Variants in NACC2 observed in about 807,000 individuals in gnomAD.
NACC2 encodes the protein NACC family member 2.
NACC2 carries 8 observed loss-of-function variants against 25.1 expected under a neutral mutation model. That is an observed-to-expected ratio of 0.32 (90% CI 0.19 to 0.57). NACC2 has a LOEUF of 0.57. NACC2 is among the 20% of genes least tolerant of loss of function. The pLI, the probability that NACC2 is intolerant of heterozygous loss-of-function variation, is 0.89. For synonymous variants in NACC2, 435 were observed against 294.7 expected (o/e 1.48, Z -4.88); for missense variants, 644 against 650.2 (o/e 0.99, Z 0.10).
chr9:136,051,936 GAGGGCAGA>G (rs1840850798), intron 1 of NACC2, among the ~76,000 whole-genome samples: 2 of 151,896 alleles, frequency 1.3e-5, no homozygotes, highest in Admixed American at 1.3e-4. Flanking sequence ...GGAGGAGGAG[GAGGGCAGA>G]GCGCCTGGGC....
In NACC2 at chr9:136,080,472, T is replaced by C. The variant is rs1383231402; in HGVS notation, c.-60+14717A>G. On this transcript the variant is annotated intron_variant, in intron 1 of 5. Coordinates refer to ENST00000277554, the MANE Select transcript of NACC2 (RefSeq NM_144653.5). Reference sequence around the variant, plus strand: ...CTGCAATCCCAGCTACTCGGGAGGCTGAGACAGGAGAATTGCTTCAACCTG... The same window carrying C: ...CTGCAATCCCAGCTACTCGGGAGGCCGAGACAGGAGAATTGCTTCAACCTG... 3.3e-5 allele frequency among the ~76,000 whole-genome samples: 5 copies of C among 152,292 alleles called. No homozygotes were observed. The East Asian group carries it at 5.8e-4, about 18-fold the overall frequency.
chr9:136,051,350 G>A (rs1206736107), intron 1 of NACC2, among the ~76,000 whole-genome samples: 4 of 152,176 alleles, frequency 2.6e-5, no homozygotes, highest in Admixed American at 2.6e-4. Context: ...AGCCCCACTC[G>A]CGGACGCCCC....
intron 2 of NACC2, among the ~76,000 whole-genome samples, chr9:136,026,675 C>T (rs1414924338): frequency 1.3e-5 from 2 of 152,190 alleles, no homozygotes; most frequent in African/African-American, 2.4e-5. Context: ...GTGGTGCTTA[C>T]AACATACACA....
intron 2 of NACC2, among the ~76,000 whole-genome samples, chr9:136,028,654 T>C (rs1358618390): frequency 6.6e-6 from 1 of 152,148 alleles, no homozygotes; most frequent in Non-Finnish European, 1.5e-5. Context: ...CGCTTCCAAG[T>C]TGGAGGGGTG....
Position 136,027,169 on chromosome 9 carries a change from G to A in NACC2, c.887-10740C>T, listed in dbSNP as rs551529346. 1.1e-4 allele frequency among the ~76,000 whole-genome samples: 17 copies of A among 152,332 alleles called. No homozygotes were observed. The South Asian group carries it at 3.3e-3, about 30-fold the overall frequency. On this transcript the variant is annotated intron_variant, in intron 2 of 5. Transcript: ENST00000277554. Reference sequence around the variant, plus strand: ...GAACCCGGGAGGCGGAGGTTGCAGTGAGCCGAGATAGCGCCACTGCCCTCC... The same window carrying A: ...GAACCCGGGAGGCGGAGGTTGCAGTAAGCCGAGATAGCGCCACTGCCCTCC...
At chr9:136,031,876 C>T (rs750895009) in intron 2 of NACC2, among the ~76,000 whole-genome samples, 18 of 152,162 alleles carry the variant, frequency 1.2e-4, no homozygotes, top group Non-Finnish European at 2.5e-4. Flanking sequence ...CTCTGCATTC[C>T]CACCTCCTCT....
intron 1 of NACC2, among the ~76,000 whole-genome samples, chr9:136,087,426 C>T (rs1250050001): frequency 6.6e-6 from 1 of 152,202 alleles, no homozygotes; most frequent in East Asian, 1.9e-4. Flanking sequence ...GACACCCTGC[C>T]CTCCTGGAGC....
intron 1 of NACC2, among the ~76,000 whole-genome samples, chr9:136,059,432 G>A (rs759312287): frequency 5.3e-5 from 8 of 152,224 alleles, no homozygotes; most frequent in Admixed American, 1.3e-4. Context: ...CAGACCTGGC[G>A]CTCCTGAGAA....
At chr9:136,025,936 CAACT>C (rs1433202399) in intron 2 of NACC2, among the ~76,000 whole-genome samples, 1 of 151,954 alleles carries the variant, frequency 6.6e-6, no homozygotes, top group Non-Finnish European at 1.5e-5. Flanking sequence ...AAAAATCCAA[CAACT>C]AACAATATGA....
chr9:136,048,660 T>C (rs1320309293), intron 2 of NACC2, among the ~76,000 whole-genome samples: 5 of 152,228 alleles, frequency 3.3e-5, no homozygotes, highest in African/African-American at 1.2e-4. Context: ...GGGAGCCAGG[T>C]TGGCCAAAGC....
rs187986086 is a variant in NACC2, at chr9:136,067,400, G to C, written c.-59-16820C>G. Among the ~76,000 whole-genome samples, 3 of 152,292 alleles carry C rather than the reference G, an allele frequency of 2.0e-5. No homozygotes were observed. The East Asian group carries it at 5.8e-4, about 29-fold the overall frequency. On this transcript the variant is annotated intron_variant, in intron 1 of 5. Transcript: ENST00000277554. Reference sequence around the variant, plus strand: ...TGAAGATGTTCTAAAATTCACGATGGTAATGGTTGCATAACTCTGAATACA... The same window carrying C: ...TGAAGATGTTCTAAAATTCACGATGCTAATGGTTGCATAACTCTGAATACA...
At chr9:136,089,282 G>A (rs1464897217) in intron 1 of NACC2, among the ~76,000 whole-genome samples, 2 of 152,112 alleles carry the variant, frequency 1.3e-5, no homozygotes. Context: ...GGCCTCAAAG[G>A]AGGACCCACG....
intron 1 of NACC2, among the ~76,000 whole-genome samples, chr9:136,066,670 C>T (rs1006889028): frequency 1.2e-4 from 18 of 152,168 alleles, no homozygotes; most frequent in Admixed American, 1.1e-3. Flanking sequence ...TGCATCCACA[C>T]GCAAACTTGT....
chr9:136,049,130 G>A (rs933878344), intron 2 of NACC2, among the ~76,000 whole-genome samples: 4 of 152,352 alleles, frequency 2.6e-5, no homozygotes, highest in East Asian at 3.9e-4. Flanking sequence ...TGAAAGAAAG[G>A]AACGGAGAGG....
Position 136,013,822 on chromosome 9 carries a change from C to T in NACC2, c.1157+42G>A, listed in dbSNP as rs759190087. 113 of 1,547,338 alleles carry T rather than the reference C, an allele frequency of 7.3e-5. No homozygotes were observed. Among genetic ancestry groups the T allele is most frequent in the Non-Finnish European group, 8.6e-5 (97 of 1,123,924 alleles). On this transcript the variant is annotated intron_variant, in intron 4 of 5. Coordinates refer to ENST00000277554, the MANE Select transcript of NACC2 (RefSeq NM_144653.5). This position sits in a 1 kb window ranked among gnomAD's most constrained non-coding sequence, Gnocchi z 6.6. ...CATAGCTAAAGGAGCCAGAACCCTC[C>T]GCAGCTCCATTGTGCCCTCCAGCAC...
Position 136,013,412 on chromosome 9 carries a change from C to A in NACC2, c.1158-116G>T. 1 of 867,970 alleles carries A rather than the reference C, an allele frequency of 1.2e-6. No homozygotes were observed. The highest frequency in any genetic ancestry group is 1.6e-5 in the South Asian group (1 of 62,808). The allele number at this position is 867,970 out of a possible 1,614,324, so 53.8% of individuals were successfully genotyped here. On this transcript the variant is annotated intron_variant, in intron 4 of 5. Coordinates refer to ENST00000277554, the MANE Select transcript of NACC2 (RefSeq NM_144653.5). The surrounding 1 kb of genome is among the most constrained non-coding windows in gnomAD (Gnocchi z 6.6). ...CCACTTGGCCTCACCCTTGGCTGGT[C>A]TGCGTGTGTCCCAGTGGCAGGAGCC...
At position 136,083,369 on chromosome 9, in the gene NACC2, C is replaced by A. The variant is rs1464410150; in HGVS notation, c.-60+11820G>T. On this transcript the variant is annotated intron_variant, in intron 1 of 5. Coordinates refer to ENST00000277554, the MANE Select transcript of NACC2 (RefSeq NM_144653.5). Reference sequence around the variant, plus strand: ...TTCCCAGGCTGGGTTGGGGGGGAGGCAGCCACAGAGAAGAGGGAGTGGGGC... The same window carrying A: ...TTCCCAGGCTGGGTTGGGGGGGAGGAAGCCACAGAGAAGAGGGAGTGGGGC... 3.9e-5 allele frequency among the ~76,000 whole-genome samples: 6 copies of A among 152,332 alleles called. No homozygotes were observed. The East Asian group carries it at 1.2e-3, about 29-fold the overall frequency.
chr9:136,058,888 A>G lies in NACC2; in HGVS notation c.-59-8308T>C, dbSNP rs1043718476. Reference sequence around the variant, plus strand: ...ATGGAGGGGACGCAGGGGCCGGGGCAGGATGGTCTCCTGACCGCCACCCCA... The same window carrying G: ...ATGGAGGGGACGCAGGGGCCGGGGCGGGATGGTCTCCTGACCGCCACCCCA... On this transcript the variant is annotated intron_variant, in intron 1 of 5. Coordinates refer to ENST00000277554, the MANE Select transcript of NACC2 (RefSeq NM_144653.5). Among the ~76,000 whole-genome samples the G allele has an allele frequency of 2.0e-5, 3 of 152,284 alleles. No homozygotes were observed. In the East Asian group the frequency reaches 5.8e-4, roughly 29 times the overall value.
rs1280664850 is a variant in NACC2 at position 136,095,258 on chromosome 9, T to C, written c.-129A>G. 6.8e-6 allele frequency: 1 copy of C among 146,438 alleles called. No homozygotes were observed. Among genetic ancestry groups the C allele is most frequent in the Non-Finnish European group, 1.5e-5 (1 of 65,958 alleles). 9.1% of individuals were successfully genotyped at this position (146,438 alleles called of 1,614,324 possible). A position where few individuals can be genotyped will look rare whatever the true frequency, so the allele number is the denominator to read the frequency against. On this transcript the variant is annotated 5_prime_UTR_variant, in exon 1 of 6. Coordinates refer to ENST00000277554, the MANE Select transcript of NACC2 (RefSeq NM_144653.5). ...CGCCCGCGGCAGGAAGTGCTTGGCG[T>C]CCCGGCGCTCCGGCTCCCATGGACT...
Sources: allele counts gnomAD v4.1 joint callset (sites outside exome capture counted in the v4.1 genomes callset), GRCh38; gene constraint gnomAD v4.1.1; non-coding constraint Gnocchi (gnomAD v3.1); transcripts MANE v1.5; gene names NCBI Gene and HGNC (gene_info 2026-07-23, HGNC 2026-07-21).